FARS2: variants seen among roughly 807,000 people sequenced by gnomAD.
The protein encoded by FARS2 is phenylalanine--tRNA ligase, mitochondrial.
Under a neutral mutation model 46.4 loss-of-function variants are expected in FARS2, and 40 were observed. That is an observed-to-expected ratio of 0.86 (90% confidence interval 0.67 to 1.12). The LOEUF (loss-of-function observed/expected upper bound fraction) is 1.12. Ranked by LOEUF, FARS2 falls within the 50% of genes most tolerant of loss-of-function variation. The probability of loss-of-function intolerance (pLI) is 0.00; values close to 1 mark genes in which losing one functional copy is unlikely to be tolerated. For missense variants in FARS2, 513 were observed against 567.9 expected (o/e 0.90, Z 0.98); for synonymous variants, 234 against 214.9 (o/e 1.09, Z -0.78).
chr6:5,406,406 C>T (rs1761598867), intron 3 of FARS2, among the ~76,000 whole-genome samples: 1 of 152,220 alleles, frequency 6.6e-6, no homozygotes, highest in Non-Finnish European at 1.5e-5. Context: ...CCAGGAGTTT[C>T]CTCCTGCTCA....
chr6:5,553,390 T>C (rs190169698), intron 5 of FARS2, among the ~76,000 whole-genome samples: 28 of 152,354 alleles, frequency 1.8e-4, no homozygotes, highest in South Asian at 1.2e-3. Flanking sequence ...TTTCCATGTC[T>C]TAATTTAATT....
Position 5,571,116 on chromosome 6 carries a change from T to C in FARS2, c.1065+25776T>C, listed in dbSNP as rs73358273. The stretch of plus-strand genomic sequence containing the variant: ...ATCGTGCATCTATTAAAGGCAAATA[T>C]GCAGCCGTTAGTATGTAAATGGAAC... On this transcript the variant is annotated intron_variant, in intron 5 of 6. Coordinates refer to ENST00000274680, the MANE Select transcript of FARS2 (RefSeq NM_006567.5). Among the ~76,000 whole-genome samples the C allele has an allele frequency of 3.7e-3, 569 of 152,358 alleles. 4 individuals are homozygous for C. Among genetic ancestry groups the C allele is most frequent in the African/African-American group, 0.013 (551 of 41,576 alleles).
intron 6 of FARS2, among the ~76,000 whole-genome samples, chr6:5,747,686 GC>G (rs1445535554): frequency 6.6e-6 from 1 of 152,208 alleles, no homozygotes; most frequent in Non-Finnish European, 1.5e-5. Flanking sequence ...GCACCCAGCA[GC>G]CCCTGCAGTG....
At chr6:5,355,571 C>G (rs920519165) in intron 1 of FARS2, among the ~76,000 whole-genome samples, 1 of 151,800 alleles carries the variant, frequency 6.6e-6, no homozygotes, top group African/African-American at 2.4e-5. Flanking sequence ...GCTGGCCAGG[C>G]TGGTCTTGAA....
intron 4 of FARS2, among the ~76,000 whole-genome samples, chr6:5,522,331 T>C (rs1264220959): frequency 1.3e-5 from 2 of 152,196 alleles, no homozygotes; most frequent in Non-Finnish European, 2.9e-5. Context: ...CCCCAGTCTG[T>C]CTGCAAGGGG....
chr6:5,542,314 C>T (rs1203911276), intron 4 of FARS2, among the ~76,000 whole-genome samples: 2 of 152,196 alleles, frequency 1.3e-5, no homozygotes, highest in Admixed American at 6.5e-5. Context: ...GGATATACCA[C>T]AATTTCTCCA....
intron 1 of FARS2, among the ~76,000 whole-genome samples, chr6:5,349,726 T>C (rs1318253575): frequency 1.3e-5 from 2 of 152,196 alleles, no homozygotes; most frequent in East Asian, 3.8e-4. Flanking sequence ...ACATTACATT[T>C]AGTCAGTAAT....
At chr6:5,652,459 T>G (rs1398711189) in intron 6 of FARS2, among the ~76,000 whole-genome samples, 3 of 152,250 alleles carry the variant, frequency 2.0e-5, no homozygotes, top group Non-Finnish European at 4.4e-5. Flanking sequence ...CTGTTTTATC[T>G]TCCTAGGAAC....
intron 1 of FARS2, among the ~76,000 whole-genome samples, chr6:5,292,143 T>G (rs1317036663): frequency 6.6e-6 from 1 of 152,086 alleles, no homozygotes; most frequent in East Asian, 1.9e-4. Flanking sequence ...GGGAGCTATG[T>G]TTGTATGACA....
At chr6:5,363,777 C>A (rs1042343201) in intron 1 of FARS2, among the ~76,000 whole-genome samples, 1 of 152,184 alleles carries the variant, frequency 6.6e-6, no homozygotes, top group Middle Eastern at 3.2e-3. Context: ...CTCCTTACAT[C>A]CCCTTCCCTT....
intron 1 of FARS2, among the ~76,000 whole-genome samples, chr6:5,289,278 T>G (rs1767341118): frequency 6.6e-6 from 1 of 152,238 alleles, no homozygotes; most frequent in South Asian, 2.1e-4. Context: ...AATTGCTTGT[T>G]TATTTGCCAA....
chr6:5,582,821 A>G (rs1439271778), intron 5 of FARS2, among the ~76,000 whole-genome samples: 7 of 152,262 alleles, frequency 4.6e-5, no homozygotes, highest in Non-Finnish European at 1.0e-4. Flanking sequence ...GAGACATGGA[A>G]TACTGAAGTT....
At chr6:5,616,900 A>T (rs569883643) in intron 6 of FARS2, among the ~76,000 whole-genome samples, 2 of 151,980 alleles carry the variant, frequency 1.3e-5, no homozygotes, top group African/African-American at 2.4e-5. Flanking sequence ...TTACAGAGAG[A>T]TGCTAAAAAC....
chr6:5,498,679 C>G (rs992195710), intron 4 of FARS2, among the ~76,000 whole-genome samples: 4 of 152,136 alleles, frequency 2.6e-5, no homozygotes, highest in Non-Finnish European at 5.9e-5. Flanking sequence ...ACTAACTCCT[C>G]TATACCTCCT....
At chr6:5,454,698 G>A (rs559441621) in intron 4 of FARS2, among the ~76,000 whole-genome samples, 8 of 152,178 alleles carry the variant, frequency 5.3e-5, no homozygotes, top group Non-Finnish European at 1.2e-4. Flanking sequence ...GATAATCTCC[G>A]TATAATCTTT....
chr6:5,591,013 CAT>C (rs1773887032), intron 5 of FARS2, among the ~76,000 whole-genome samples: 1 of 152,032 alleles, frequency 6.6e-6, no homozygotes, highest in Admixed American at 6.6e-5. Context: ...ATATCAATCA[CAT>C]ATAAAAAACA....
intron 6 of FARS2, among the ~76,000 whole-genome samples, chr6:5,655,512 C>T (rs1777566974): frequency 6.6e-6 from 1 of 152,188 alleles, no homozygotes; most frequent in South Asian, 2.1e-4. Flanking sequence ...AGGGCTGGCA[C>T]CTTCTGGAGG....
intron 6 of FARS2, among the ~76,000 whole-genome samples, chr6:5,690,081 C>T (rs1018401620): frequency 1.3e-5 from 2 of 152,230 alleles, no homozygotes; most frequent in African/African-American, 4.8e-5. Context: ...TTATTTTGAG[C>T]CTATGTGTGT....
chr6:5,716,058 G>A (rs1158260169), intron 6 of FARS2, among the ~76,000 whole-genome samples: 2 of 152,054 alleles, frequency 1.3e-5, no homozygotes, highest in Non-Finnish European at 2.9e-5. Flanking sequence ...TTTCCCTGAT[G>A]GCCAGTAATA....
Sources: allele counts gnomAD v4.1 joint callset (sites outside exome capture counted in the v4.1 genomes callset), GRCh38; gene constraint gnomAD v4.1.1; transcripts MANE v1.5; gene names NCBI Gene and HGNC (gene_info 2026-07-23, HGNC 2026-07-21).